DPF3: variants seen among roughly 807,000 people sequenced by gnomAD.
DPF3 encodes zinc finger protein DPF3.
In DPF3, 18 loss-of-function variants were observed where a neutral mutation model predicts 56.8. That is an observed-to-expected ratio of 0.32 (90% CI 0.22 to 0.47). The LOEUF is 0.47. Ranked by LOEUF, DPF3 falls within the 20% of genes least tolerant of loss-of-function variation. The probability of loss-of-function intolerance (pLI) is 1.00; values close to 1 mark genes in which losing one functional copy is unlikely to be tolerated. For missense variants in DPF3, 403 were observed against 488.8 expected (o/e 0.82, Z 1.65); for synonymous variants, 188 against 180.2 (o/e 1.04, Z -0.35).
intron 6 of DPF3, among the ~76,000 whole-genome samples, chr14:72,699,409 C>T (rs890231681): frequency 6.6e-6 from 1 of 150,404 alleles, no homozygotes; most frequent in Non-Finnish European, 1.5e-5. Context: ...GTAGTCCCAG[C>T]TACTTAAGAG....
At chr14:72,714,618 T>A in intron 5 of DPF3, 117 bp from the exon 6 acceptor site, 1 of 1,164,430 alleles carries the variant, frequency 8.6e-7, no homozygotes, top group Non-Finnish European at 1.2e-6. Context: ...CCAACACCAG[T>A]CCCATCTTAC....
chr14:72,667,704 T>G (rs1476820384), intron 8 of DPF3, among the ~76,000 whole-genome samples: 1 of 152,204 alleles, frequency 6.6e-6, no homozygotes, highest in Non-Finnish European at 1.5e-5. Flanking sequence ...GAATCTGAAT[T>G]AGAACTCTCT....
intron 9 of DPF3, among the ~76,000 whole-genome samples, chr14:72,624,113 G>C (rs1395513088): frequency 6.6e-6 from 1 of 152,052 alleles, no homozygotes; most frequent in African/African-American, 2.4e-5. Context: ...GAAGATGCTA[G>C]AGAAACATCA....
At chr14:72,879,928 C>A in intron 1 of DPF3, 1 of 1,508,842 alleles carries the variant, frequency 6.6e-7, no homozygotes, top group South Asian at 1.2e-5. Context: ...CCACAACTTT[C>A]ATAGGATTCT....
intron 6 of DPF3, among the ~76,000 whole-genome samples, chr14:72,705,839 G>C (rs886093532): frequency 2.0e-5 from 3 of 152,186 alleles, no homozygotes; most frequent in African/African-American, 7.2e-5. Context: ...CACACAATGT[G>C]GGAGGCAGCC....
At chr14:72,850,024 C>T (rs989813499) in intron 1 of DPF3, among the ~76,000 whole-genome samples, 42 of 152,186 alleles carry the variant, frequency 2.8e-4, no homozygotes, top group Admixed American at 2.4e-3. Flanking sequence ...GAGGCTGAGG[C>T]TGAAGAATCG....
chr14:72,631,927 C>G (rs747049549), intron 8 of DPF3, among the ~76,000 whole-genome samples: 9 of 152,106 alleles, frequency 5.9e-5, no homozygotes, highest in Non-Finnish European at 1.2e-4. Flanking sequence ...TCAGATGAGA[C>G]GTTAGCTAGG....
intron 8 of DPF3, among the ~76,000 whole-genome samples, chr14:72,671,646 C>T (rs961142811): frequency 1.3e-5 from 2 of 152,232 alleles, no homozygotes; most frequent in Non-Finnish European, 2.9e-5. Context: ...GGCGCTTGCA[C>T]GCTCACTCAA....
chr14:72,875,861 C>A (rs1397472575), intron 1 of DPF3, among the ~76,000 whole-genome samples: 4 of 152,166 alleles, frequency 2.6e-5, no homozygotes, highest in African/African-American at 9.7e-5. Flanking sequence ...GAATAAACCA[C>A]CCCGATCCCC....
intron 7 of DPF3, among the ~76,000 whole-genome samples, chr14:72,682,661 C>T (rs1182662365): frequency 1.3e-5 from 2 of 152,166 alleles, no homozygotes; most frequent in African/African-American, 4.8e-5. Context: ...GACAGAAAGC[C>T]GTATTTAAGA....
At chr14:72,893,231 C>T (rs1447206992) in intron 1 of DPF3, among the ~76,000 whole-genome samples, 1 of 152,198 alleles carries the variant, frequency 6.6e-6, no homozygotes, top group Non-Finnish European at 1.5e-5. Flanking sequence ...ACCGCCTCTC[C>T]GCCTGCCTCA....
chr14:72,690,379 C>T (rs1048214786), intron 7 of DPF3, among the ~76,000 whole-genome samples: 3 of 152,142 alleles, frequency 2.0e-5, no homozygotes, highest in African/African-American at 7.2e-5. Flanking sequence ...CCTTCTACTT[C>T]GGGTCTGCAG....
At chr14:72,754,385 A>G (rs1222876815) in intron 2 of DPF3, among the ~76,000 whole-genome samples, 1 of 152,250 alleles carries the variant, frequency 6.6e-6, no homozygotes, top group Non-Finnish European at 1.5e-5. Flanking sequence ...AAGCCTAATG[A>G]AGACAGGGAC....
chr14:72,763,644 A>C (rs1227852452), intron 2 of DPF3, among the ~76,000 whole-genome samples: 1 of 152,190 alleles, frequency 6.6e-6, no homozygotes, highest in East Asian at 1.9e-4. Context: ...TTAGGAAAAA[A>C]AAATAAGAGA....
Position 72,816,570 on chromosome 14 carries a change from C to T in DPF3, c.33-44677G>A, listed in dbSNP as rs572278460. 3.0e-3 allele frequency among the ~76,000 whole-genome samples: 457 copies of T among 152,160 alleles called. 2 individuals carry two copies. The highest frequency in any genetic ancestry group is 5.0e-3 in the Non-Finnish European group (343 of 68,010). ...AAACCCCCCACCTAGCTGAGCTTCC[C>T]CTCCTTCATCTGCAGGATGGAAAAC... On this transcript the variant is annotated intron_variant, in intron 1 of 10. Transcript: ENST00000556509.
At chr14:72,638,168 C>A (rs1885439218) in intron 8 of DPF3, among the ~76,000 whole-genome samples, 2 of 152,198 alleles carry the variant, frequency 1.3e-5, no homozygotes, top group Non-Finnish European at 2.9e-5. Flanking sequence ...TCGGTATGAG[C>A]AACTCTGGAT....
intron 1 of DPF3, among the ~76,000 whole-genome samples, chr14:72,778,252 G>A (rs558806562): frequency 2.6e-5 from 4 of 152,308 alleles, no homozygotes; most frequent in Admixed American, 2.6e-4. Context: ...TGGCACAGCA[G>A]GAGGTGAGCT....
At chr14:72,862,900 A>G (rs1025013058) in intron 1 of DPF3, among the ~76,000 whole-genome samples, 3 of 152,058 alleles carry the variant, frequency 2.0e-5, no homozygotes, top group Non-Finnish European at 4.4e-5. Flanking sequence ...ATTTTGCCCA[A>G]TTTGTTCACT....
At chr14:72,692,580 T>C (rs1343699320) in intron 7 of DPF3, among the ~76,000 whole-genome samples, 1 of 152,194 alleles carries the variant, frequency 6.6e-6, no homozygotes, top group Non-Finnish European at 1.5e-5. Context: ...AGGCAGCATT[T>C]CTAAGGCAGG....
Sources: gnomAD v4.1 joint callset for allele counts (sites outside exome capture counted in the v4.1 genomes callset) on GRCh38, gnomAD v4.1.1 for gene constraint, MANE v1.5 for transcripts, NCBI Gene and HGNC (gene_info 2026-07-23, HGNC 2026-07-21) for gene names.